MAPKAP1: variants seen among roughly 807,000 people sequenced by gnomAD.
MAPKAP1 encodes target of rapamycin complex 2 subunit MAPKAP1.
In MAPKAP1, 20 loss-of-function variants were observed where a neutral mutation model predicts 65.7. That is an observed-to-expected ratio of 0.30 (90% CI 0.21 to 0.44). MAPKAP1 has a LOEUF of 0.44. MAPKAP1 is among the 20% of genes least tolerant of loss of function. The probability of loss-of-function intolerance (pLI) is 1.00; values close to 1 mark genes in which losing one functional copy is unlikely to be tolerated. For synonymous variants in MAPKAP1, 222 were observed against 244.3 expected (o/e 0.91, Z 0.85); for missense variants, 423 against 648.0 (o/e 0.65, Z 3.77).
At chr9:125,442,536 TAAA>T (rs11450537) in intron 11 of MAPKAP1, among the ~76,000 whole-genome samples, 49 of 137,224 alleles carry the variant, frequency 3.6e-4, no homozygotes, top group African/African-American at 1.1e-3. Context: ...ATGCTGGCTA[TAAA>T]AAAAAAAAAA....
rs184971470 is a variant in MAPKAP1, at chr9:125,515,202, A to G, written c.959-8785T>C. 5.0e-3 allele frequency among the ~76,000 whole-genome samples: 755 copies of G among 152,296 alleles called. 5 individuals carry two copies. Among genetic ancestry groups the G allele is most frequent in the Middle Eastern group, 6.8e-3 (2 of 294 alleles). On this transcript the variant is annotated intron_variant, in intron 7 of 11. Transcript: ENST00000265960. ...AAACAGCTGAATATAATCAAATTAA[A>G]TACAATTCCTATTACAAAAGAAGAA...
In MAPKAP1 at chr9:125,447,905, G is replaced by T. The variant is rs947574126; in HGVS notation, c.1346-3307C>A. 8.5e-5 allele frequency among the ~76,000 whole-genome samples: 13 copies of T among 152,186 alleles called. No individual in the cohort carries two copies. The highest frequency in any genetic ancestry group is 1.5e-4 in the Non-Finnish European group (10 of 68,042). On this transcript the variant is annotated intron_variant, in intron 10 of 11. Coordinates refer to ENST00000265960, the MANE Select transcript of MAPKAP1 (RefSeq NM_001006617.3). The surrounding 1 kb of genome is among the most constrained non-coding windows in gnomAD (Gnocchi z 4.5). ...GGAAGATGCCACAGGGCAAGGAAAC[G>T]GCATGGGCAAACATACAGGGTCTCC...
chr9:125,595,815 A>G lies in MAPKAP1; in HGVS notation c.499-10088T>C, dbSNP rs1456289389. 3 of 1,135,108 alleles carry G rather than the reference A, an allele frequency of 2.6e-6. No homozygotes were observed. Among genetic ancestry groups the G allele is most frequent in the Admixed American group, 1.7e-5 (1 of 58,830 alleles). 70.3% of individuals were successfully genotyped at this position (1,135,108 alleles called of 1,614,324 possible). On this transcript the variant is annotated intron_variant, in intron 4 of 11. Transcript: ENST00000265960. The surrounding 1 kb of genome is among the most constrained non-coding windows in gnomAD (Gnocchi z 4.0). The stretch of plus-strand genomic sequence containing the variant: ...GACTGTGTGGTAATGAAAGATTCCA[A>G]CACCAAGCGTTCCGGGGGTTTTGGG...
At chr9:125,531,818 G>T (rs1306904523) in intron 7 of MAPKAP1, among the ~76,000 whole-genome samples, 1 of 152,066 alleles carries the variant, frequency 6.6e-6, no homozygotes, top group Non-Finnish European at 1.5e-5. Context: ...TTCAAATCAA[G>T]GAGGAGACAT....
intron 11 of MAPKAP1, among the ~76,000 whole-genome samples, chr9:125,443,392 T>C (rs1852566779): frequency 6.6e-6 from 1 of 152,176 alleles, no homozygotes; most frequent in South Asian, 2.1e-4. Flanking sequence ...TCTCTGGTCC[T>C]CGCCCCTGCT....
chr9:125,623,217 C>T (rs1416596699), intron 4 of MAPKAP1, among the ~76,000 whole-genome samples: 1 of 133,246 alleles, frequency 7.5e-6, no homozygotes, highest in Non-Finnish European at 1.6e-5. Context: ...CCGGCCGCCA[C>T]CCCATCTGGG....
chr9:125,495,608 A>G (rs1175932164), intron 8 of MAPKAP1, among the ~76,000 whole-genome samples: 5 of 152,234 alleles, frequency 3.3e-5, no homozygotes, highest in Non-Finnish European at 7.3e-5. Context: ...TCCCTTGAAT[A>G]CTAATTACTA....
intron 1 of MAPKAP1, among the ~76,000 whole-genome samples, chr9:125,680,126 G>A (rs1298350831): frequency 2.7e-5 from 4 of 148,422 alleles, no homozygotes; most frequent in African/African-American, 7.5e-5. Flanking sequence ...ACTGTACCCC[G>A]ACTTCACACT....
chr9:125,464,998 A>G (rs1244702810), intron 10 of MAPKAP1, among the ~76,000 whole-genome samples: 1 of 152,138 alleles, frequency 6.6e-6, no homozygotes, highest in African/African-American at 2.4e-5. Flanking sequence ...GACTGGGGAC[A>G]ACTTCATTAT....
rs1554844322 is a variant in MAPKAP1, at chr9:125,693,426, AAT to A, written c.-70+13543_-70+13544del. ...CGAAATTCCGCCTCAAAAAAAAAAA[AAT>A]ATATATATATATATACACACACACA... On this transcript the variant is annotated intron_variant, in intron 1 of 11. Transcript: ENST00000265960. Among the ~76,000 whole-genome samples the A allele has an allele frequency of 6.0e-3, 789 of 131,294 alleles. 13 individuals are homozygous for A. Among genetic ancestry groups the A allele is most frequent in the East Asian group, 0.036 (161 of 4,506 alleles). The allele number at this position is 131,294 out of a possible 152,430, so 86.1% of individuals were successfully genotyped here.
At chr9:125,577,760 A>G in intron 5 of MAPKAP1, among the ~76,000 whole-genome samples, 2 of 124,824 alleles carry the variant, frequency 1.6e-5, no homozygotes, top group African/African-American at 6.1e-5. Flanking sequence ...CCTACTGGGA[A>G]GTGAGGAGCC....
At chr9:125,596,599 A>C in intron 4 of MAPKAP1, 5 of 673,296 alleles carry the variant, frequency 7.4e-6, no homozygotes, top group Non-Finnish European at 1.4e-5. Context: ...CAGTAGCAGC[A>C]GTAGCTACAG....
chr9:125,630,735 T>C (rs893773273), intron 4 of MAPKAP1, among the ~76,000 whole-genome samples: 4 of 152,138 alleles, frequency 2.6e-5, no homozygotes, highest in African/African-American at 9.7e-5. Flanking sequence ...ATGTTGGAAA[T>C]GGGGCCTAAT....
intron 10 of MAPKAP1, among the ~76,000 whole-genome samples, chr9:125,449,004 CAAAA>C (rs11358978): frequency 1.1e-5 from 1 of 89,052 alleles, no homozygotes; most frequent in Non-Finnish European, 2.3e-5. Flanking sequence ...GACTCTGTCT[CAAAA>C]AAAAAAAAAA....
intron 5 of MAPKAP1, among the ~76,000 whole-genome samples, chr9:125,577,139 G>C (rs1460861813): frequency 6.8e-6 from 1 of 147,938 alleles, no homozygotes; most frequent in Admixed American, 6.7e-5. Context: ...GCCGCCCATC[G>C]TCTGAGATGT....
intron 1 of MAPKAP1, among the ~76,000 whole-genome samples, chr9:125,698,318 T>TATATATATAAA (rs1835485965): frequency 2.0e-5 from 2 of 102,302 alleles, no homozygotes; most frequent in Non-Finnish European, 3.7e-5. Context: ...TATATATATA[T>TATATATATAAA]ATATATATAT....
intron 4 of MAPKAP1, among the ~76,000 whole-genome samples, chr9:125,633,126 G>C (rs1406245949): frequency 2.0e-5 from 3 of 152,194 alleles, no homozygotes; most frequent in African/African-American, 7.2e-5. Context: ...AAGCTGAAAA[G>C]AGAAGTCTAT....
chr9:125,533,527 G>A (rs1829991801), intron 7 of MAPKAP1, among the ~76,000 whole-genome samples: 1 of 151,850 alleles, frequency 6.6e-6, no homozygotes, highest in Non-Finnish European at 1.5e-5. Context: ...TTGGCTTACT[G>A]CAATCTCTGC....
chr9:125,515,693 T>C (rs1829440247), intron 7 of MAPKAP1, among the ~76,000 whole-genome samples: 1 of 152,200 alleles, frequency 6.6e-6, no homozygotes, highest in African/African-American at 2.4e-5. Context: ...CCACTTCAGG[T>C]TCAAATGTTT....
Sources: gnomAD v4.1 joint callset for allele counts (sites outside exome capture counted in the v4.1 genomes callset) on GRCh38, gnomAD v4.1.1 for gene constraint, Gnocchi (gnomAD v3.1) non-coding constraint, MANE v1.5 for transcripts, NCBI Gene and HGNC (gene_info 2026-07-23, HGNC 2026-07-21) for gene names.